Variants in CDH12 observed in about 807,000 individuals in gnomAD.
CDH12 encodes cadherin-12.
In CDH12, 41 loss-of-function variants were observed where a neutral mutation model predicts 74.1. That is an observed-to-expected ratio of 0.55 (90% CI 0.43 to 0.72). CDH12 has a LOEUF of 0.72. Among genes scored for constraint, CDH12 ranks in the 30% least tolerant of loss-of-function variants. CDH12 has a pLI of 0.00. For missense variants in CDH12, 945 were observed against 977.2 expected, an observed-to-expected ratio of 0.97 and a Z score of 0.44; for synonymous variants, 399 against 355.0, an observed-to-expected ratio of 1.12 and a Z score of -1.39.
intron 1 of CDH12, among the ~76,000 whole-genome samples, chr5:22,606,583 G>A (rs1737130037): frequency 6.6e-6 from 1 of 152,178 alleles, no homozygotes; most frequent in Non-Finnish European, 1.5e-5. Context: ...CCTGTGAAGA[G>A]GTGCCTTCTG....
At chr5:22,652,386 C>A (rs1739790416) in intron 1 of CDH12, among the ~76,000 whole-genome samples, 1 of 152,104 alleles carries the variant, frequency 6.6e-6, no homozygotes. Flanking sequence ...AAGGACTTAG[C>A]ATGTCACCAG....
intron 5 of CDH12, among the ~76,000 whole-genome samples, chr5:21,981,840 T>G (rs976103043): frequency 1.3e-5 from 2 of 152,096 alleles, no homozygotes; most frequent in African/African-American, 4.8e-5. Context: ...AGCTAATTTT[T>G]CTATTTTTTT....
chr5:22,221,619 T>C (rs1025993670), intron 3 of CDH12, among the ~76,000 whole-genome samples: 1 of 151,874 alleles, frequency 6.6e-6, no homozygotes, highest in African/African-American at 2.4e-5. Context: ...TATAAAATGT[T>C]GATATTATTT....
rs987687929 is a variant in CDH12, at chr5:22,200,362, C to A, written c.-187+12136G>T. Among the ~76,000 whole-genome samples the A allele has an allele frequency of 7.2e-5, 11 of 152,046 alleles. 1 individual carries two copies. Among genetic ancestry groups the A allele is most frequent in the Non-Finnish European group, 1.3e-4 (9 of 67,990 alleles). On this transcript the variant is annotated intron_variant, in intron 4 of 14. Coordinates refer to ENST00000382254, the MANE Select transcript of CDH12 (RefSeq NM_004061.5). Reference sequence around the variant, plus strand: ...CTAAATATCATCCAGTTATGAAATACAAAGCTATAAGAGTGGTGCTTTTGA... The same window carrying A: ...CTAAATATCATCCAGTTATGAAATAAAAAGCTATAAGAGTGGTGCTTTTGA...
At chr5:21,791,235 A>T (rs1168442647) in intron 10 of CDH12, among the ~76,000 whole-genome samples, 2 of 152,008 alleles carry the variant, frequency 1.3e-5, no homozygotes, top group Non-Finnish European at 2.9e-5. Context: ...AATATTTTCT[A>T]TTGTGATATT....
chr5:21,817,207 T>C (rs1210845865), intron 8 of CDH12, 75 bp from the exon 9 acceptor site: 5 of 954,086 alleles, frequency 5.2e-6, no homozygotes, highest in Admixed American at 2.7e-5. Context: ...GCTTGAAAAA[T>C]AGAGTCCACT....
chr5:22,416,612 T>A (rs1261386), intron 2 of CDH12, among the ~76,000 whole-genome samples: 136,094 of 152,140 alleles, frequency 0.89, 60,922 homozygotes, highest in East Asian at 0.94. Flanking sequence ...TGAAAGATTT[T>A]GTCAGTGAGT....
chr5:21,884,419 G>C (rs1016841981), intron 6 of CDH12: 9 of 1,023,212 alleles, frequency 8.8e-6, no homozygotes, highest in Non-Finnish European at 1.4e-5. Context: ...ATGAAAAAAA[G>C]GCTGGCTGAA....
chr5:22,667,197 G>T (rs954575942), intron 1 of CDH12, among the ~76,000 whole-genome samples: 1 of 151,998 alleles, frequency 6.6e-6, no homozygotes, highest in Non-Finnish European at 1.5e-5. Flanking sequence ...TTTAATTTCT[G>T]CATTCTAGTC....
At chr5:22,307,599 G>A (rs1169496505) in intron 3 of CDH12, among the ~76,000 whole-genome samples, 1 of 152,112 alleles carries the variant, frequency 6.6e-6, no homozygotes, top group Non-Finnish European at 1.5e-5. Context: ...CTCATCAGGA[G>A]ACCATTTGAC....
At chr5:22,207,481 C>T (rs570821656) in intron 4 of CDH12, among the ~76,000 whole-genome samples, 4 of 152,186 alleles carry the variant, frequency 2.6e-5, no homozygotes, top group Non-Finnish European at 5.9e-5. Flanking sequence ...TCCAACCAAA[C>T]TCTATTTACA....
chr5:22,427,474 T>C (rs769081662), intron 2 of CDH12, among the ~76,000 whole-genome samples: 1 of 152,172 alleles, frequency 6.6e-6, no homozygotes, highest in African/African-American at 2.4e-5. Context: ...CCAAAAGGAA[T>C]ACTTTTTATC....
At chr5:22,515,801 G>A (rs1372743264) in intron 1 of CDH12, among the ~76,000 whole-genome samples, 1 of 152,050 alleles carries the variant, frequency 6.6e-6, no homozygotes, top group African/African-American at 2.4e-5. Flanking sequence ...GTGTAAGACT[G>A]TTGATACAAA....
chr5:22,407,362 C>T (rs1188831213), intron 2 of CDH12, among the ~76,000 whole-genome samples: 2 of 152,018 alleles, frequency 1.3e-5, no homozygotes, highest in African/African-American at 4.8e-5. Flanking sequence ...AAGATATTAC[C>T]AAATCCCATC....
chr5:22,380,895 A>G (rs1484111928), intron 3 of CDH12, among the ~76,000 whole-genome samples: 1 of 152,134 alleles, frequency 6.6e-6, no homozygotes, highest in Non-Finnish European at 1.5e-5. Context: ...GCCTTGAACA[A>G]CTTAGAAAAC....
chr5:21,895,627 C>G (rs1753087830), intron 6 of CDH12, among the ~76,000 whole-genome samples: 1 of 152,206 alleles, frequency 6.6e-6, no homozygotes, highest in East Asian at 1.9e-4. Context: ...AGCTCAGCTG[C>G]TGATGTTAGA....
At chr5:21,783,800 C>G (rs986462110) in intron 10 of CDH12, among the ~76,000 whole-genome samples, 4 of 152,060 alleles carry the variant, frequency 2.6e-5, no homozygotes, top group African/African-American at 9.7e-5. Context: ...AATATTAAAA[C>G]TTTTTCAAGC....
chr5:22,337,780 A>G (rs569372493), intron 3 of CDH12, among the ~76,000 whole-genome samples: 1 of 152,356 alleles, frequency 6.6e-6, no homozygotes, highest in African/African-American at 2.4e-5. Context: ...ACATTTCTCA[A>G]AAGAACATAT....
chr5:22,374,955 C>A (rs1035257388), intron 3 of CDH12, among the ~76,000 whole-genome samples: 10 of 151,694 alleles, frequency 6.6e-5, no homozygotes, highest in African/African-American at 2.4e-4. Flanking sequence ...TAAAAAAAAT[C>A]CTAAAATTTG....
Sources: allele counts gnomAD v4.1 joint callset (sites outside exome capture counted in the v4.1 genomes callset), GRCh38; gene constraint gnomAD v4.1.1; transcripts MANE v1.5; gene names NCBI Gene and HGNC (gene_info 2026-07-23, HGNC 2026-07-21).